ANK3: variants seen among roughly 807,000 people sequenced by gnomAD.
ANK3 encodes the protein ankyrin 3.
A neutral mutation model predicts 370.9 loss-of-function variants in ANK3; 57 were observed. That is an observed-to-expected ratio of 0.15 (90% CI 0.12 to 0.19). ANK3 has a LOEUF of 0.19. Ranked by LOEUF, ANK3 falls within the 10% of genes least tolerant of loss-of-function variation. The probability of loss-of-function intolerance (pLI) is 1.00; values close to 1 mark genes in which losing one functional copy is unlikely to be tolerated. For synonymous variants in ANK3, 1,929 were observed against 1,946.3 expected (o/e 0.99, Z 0.23); for missense variants, 4,439 against 5,302.1 (o/e 0.84, Z 5.06).
upstream of ANK3, among the ~76,000 whole-genome samples, chr10:60,390,838 T>C (rs2063045673): frequency 1.3e-5 from 2 of 151,208 alleles, no homozygotes; most frequent in African/African-American, 2.4e-5. Context: ...TTTGTTAGCA[T>C]GTGTGCTTCC....
chr10:60,476,710 T>C (rs1205212024), intron 2 of ANK3, among the ~76,000 whole-genome samples: 1 of 152,104 alleles, frequency 6.6e-6, no homozygotes, highest in Non-Finnish European at 1.5e-5. Context: ...TGAATATGAA[T>C]TGGATTTACA....
At chr10:60,037,021 T>G (rs1393746241) in intron 43 of ANK3, among the ~76,000 whole-genome samples, 1 of 152,222 alleles carries the variant, frequency 6.6e-6, no homozygotes, top group African/African-American at 2.4e-5. Flanking sequence ...CCTCTTCCAC[T>G]TCTGCTTCTT....
intron 1 of ANK3, among the ~76,000 whole-genome samples, chr10:60,324,396 G>T (rs2049335316): frequency 6.6e-6 from 1 of 152,172 alleles, no homozygotes; most frequent in South Asian, 2.1e-4. Flanking sequence ...CTCCTGCCAA[G>T]AAGAAATATT....
At chr10:60,291,890 T>C (rs1184530718) in intron 1 of ANK3, among the ~76,000 whole-genome samples, 1 of 152,106 alleles carries the variant, frequency 6.6e-6, no homozygotes, top group East Asian at 1.9e-4. Flanking sequence ...TTTTTGTAAT[T>C]TTCAGTAGAG....
rs527383010 is a variant in ANK3 at position 60,272,864 on chromosome 10, G to A, written c.415-2635C>T. Among the ~76,000 whole-genome samples the A allele has an allele frequency of 1.7e-4, 26 of 151,884 alleles. No homozygotes were observed. The South Asian group carries it at 5.0e-3, about 29-fold the overall frequency. On this transcript the variant is annotated intron_variant, in intron 4 of 43. Transcript: ENST00000280772. ...ATGTCAAGACAAGTAATGTCAGTTC[G>A]TTCTCAATGTTGGGGTGGAGGTCTG...
At chr10:60,660,194 C>T (rs1434005401) in intron 1 of ANK3, among the ~76,000 whole-genome samples, 1 of 152,044 alleles carries the variant, frequency 6.6e-6, no homozygotes, top group East Asian at 1.9e-4. Context: ...CTCTTTTATT[C>T]AACGTCCTAT....
chr10:60,058,230 C>G (rs1303437235), intron 41 of ANK3, among the ~76,000 whole-genome samples: 2 of 152,142 alleles, frequency 1.3e-5, no homozygotes, highest in African/African-American at 4.8e-5. Flanking sequence ...ATTCTTAGAG[C>G]TTAGAGATTC....
intron 8 of ANK3, among the ~76,000 whole-genome samples, chr10:60,229,516 C>G (rs2132519201): frequency 6.6e-6 from 1 of 152,284 alleles, no homozygotes; most frequent in African/African-American, 2.4e-5. Context: ...GAAACAGAAT[C>G]AGTTACATTT....
Position 60,205,832 on chromosome 10 carries a change from A to G in ANK3, c.1253T>C (p.Leu418Pro). Residue 418 changes from leucine (L) to proline (P), a missense_variant, in exon 11 of 44, where the codon CTC (leucine) becomes CCC (proline). Physicochemically the swap from Leu to Pro is moderately conservative, Grantham distance 98. Transcript: ENST00000280772. ...GATGGATGCACCGTGTTTCAGAAGG[A>G]GTTCCATTACTTTAATTCGATTCTT... ...CKKNRIKVME[L>P]LLKHGASIQA... The G allele has an allele frequency of 1.2e-6, 2 of 1,614,086 alleles. No individual in the cohort carries two copies. The highest frequency in any genetic ancestry group is 1.7e-6 in the Non-Finnish European group (2 of 1,179,922).
At chr10:60,107,187 T>C (rs952416922) in intron 27 of ANK3, among the ~76,000 whole-genome samples, 2 of 152,188 alleles carry the variant, frequency 1.3e-5, no homozygotes, top group African/African-American at 2.4e-5. Flanking sequence ...AAAAATAATT[T>C]TTATAATGCC....
At chr10:60,413,909 A>C (rs1484033065) in intron 2 of ANK3, among the ~76,000 whole-genome samples, 1 of 152,132 alleles carries the variant, frequency 6.6e-6, no homozygotes, top group Admixed American at 6.5e-5. Context: ...AAGTGAGAGG[A>C]TCACTTGAGC....
chr10:60,115,235 A>T (rs556544376), intron 25 of ANK3, among the ~76,000 whole-genome samples: 31 of 152,268 alleles, frequency 2.0e-4, no homozygotes, highest in African/African-American at 7.5e-4. Context: ...CTGGGGGGAA[A>T]CCAGAGGTAG....
intron 2 of ANK3, chr10:60,507,948 G>T (rs915898927): frequency 6.6e-6 from 1 of 151,994 alleles, no homozygotes; most frequent in Non-Finnish European, 1.5e-5. Flanking sequence ...CATCAAAATA[G>T]TAAATACAGT....
At chr10:60,106,695 G>A (rs1158883163) in intron 27 of ANK3, among the ~76,000 whole-genome samples, 2 of 152,122 alleles carry the variant, frequency 1.3e-5, no homozygotes, top group Admixed American at 1.3e-4. Flanking sequence ...GTACTTGTTG[G>A]TTTGAAATTG....
chr10:60,072,924 C>T lies in ANK3; in HGVS notation c.7957G>A (p.Gly2653Ser). 6.2e-7 allele frequency: 1 copy of T among 1,614,062 alleles called. No homozygotes were observed. Among genetic ancestry groups the T allele is most frequent in the Non-Finnish European group, 8.5e-7 (1 of 1,180,004 alleles). Residue 2653 changes from glycine to serine, a missense_variant, in exon 37 of 44, where the codon GGC becomes AGC. Around this residue, in one of 13 missense-constraint regions of ANK3, gnomAD observed 1,601 missense variants for 1,731.7 expected, o/e 0.92. Transcript: ENST00000280772. ...NDEWVKARQH[G>S]PDGQGFPKAE... ...TTGGGGAAGCCTTGTCCATCAGGGC[C>T]ATGCTGTCTTGCCTTAACCCACTCA...
chr10:60,554,252 C>T (rs2077157683), intron 2 of ANK3, among the ~76,000 whole-genome samples: 1 of 151,996 alleles, frequency 6.6e-6, no homozygotes, highest in African/African-American at 2.4e-5. Context: ...CTCTTAGAGC[C>T]CTTTTTCTAA....
chr10:60,732,646 A>C (rs937196197), intron 1 of ANK3, among the ~76,000 whole-genome samples: 1 of 152,188 alleles, frequency 6.6e-6, no homozygotes, highest in African/African-American at 2.4e-5. Context: ...AGTATGTTCT[A>C]TACTTTCATG....
At chr10:60,575,374 C>T (rs983407641) in intron 2 of ANK3, among the ~76,000 whole-genome samples, 12 of 151,416 alleles carry the variant, frequency 7.9e-5, no homozygotes, top group Non-Finnish European at 1.3e-4. Context: ...CTGGATTATA[C>T]GGCAAAATTC....
At chr10:60,387,123 G>A (rs925652687) in intron 1 of ANK3, among the ~76,000 whole-genome samples, 15 of 151,464 alleles carry the variant, frequency 9.9e-5, no homozygotes, top group African/African-American at 3.6e-4. Context: ...TCATGCCACT[G>A]CACTCCAGCC....
Sources: allele counts gnomAD v4.1 joint callset (sites outside exome capture counted in the v4.1 genomes callset), GRCh38; gene constraint gnomAD v4.1.1; regional missense constraint gnomAD v4.1.1; transcripts MANE v1.5; gene names NCBI Gene and HGNC (gene_info 2026-07-23, HGNC 2026-07-21).